GLIS3: variants seen among roughly 807,000 people sequenced by gnomAD.
GLIS3 encodes GLIS family zinc finger 3.
In GLIS3, 53 loss-of-function variants were observed where a neutral mutation model predicts 78.6. That is an observed-to-expected ratio of 0.67 (90% confidence interval 0.54 to 0.85). The LOEUF is 0.85. GLIS3 is among the 40% of genes least tolerant of loss of function. The pLI, the probability that GLIS3 is intolerant of heterozygous loss-of-function variation, is 0.00. For synonymous variants in GLIS3, 684 were observed against 509.9 expected (o/e 1.34, Z -4.60); for missense variants, 1,703 against 1,231.1 (o/e 1.38, Z -5.74).
At chr9:4,363,531 T>C in the GLIS3 span, among the ~76,000 whole-genome samples, 1 of 152,238 alleles carries the variant, frequency 6.6e-6, no homozygotes, top group Admixed American at 6.5e-5. Context: ...TTCAAACATA[T>C]TTAAGATACT....
chr9:4,470,252 T>C, the GLIS3 span, among the ~76,000 whole-genome samples: 6 of 152,216 alleles, frequency 3.9e-5, no homozygotes, highest in African/African-American at 1.2e-4. Context: ...TAACTCATTT[T>C]ATGAGGCCAG....
At chr9:4,073,060 CCT>C (rs1827744979) in intron 4 of GLIS3, among the ~76,000 whole-genome samples, 1 of 152,094 alleles carries the variant, frequency 6.6e-6, no homozygotes, top group African/African-American at 2.4e-5. Context: ...ATTATACACC[CCT>C]TTTTGGTAAA....
chr9:3,876,339 T>C (rs1437719060), intron 8 of GLIS3, among the ~76,000 whole-genome samples: 1 of 151,850 alleles, frequency 6.6e-6, no homozygotes, highest in Admixed American at 6.6e-5. Flanking sequence ...TTAAATGCAC[T>C]GTGAGATCCC....
chr9:4,137,636 A>G (rs1833496268), intron 2 of GLIS3, among the ~76,000 whole-genome samples: 1 of 152,186 alleles, frequency 6.6e-6, no homozygotes, highest in African/African-American at 2.4e-5. Flanking sequence ...TAAGGATGCA[A>G]AGATAAATTA....
At chr9:4,452,956 A>G in the GLIS3 span, among the ~76,000 whole-genome samples, 6 of 152,346 alleles carry the variant, frequency 3.9e-5, no homozygotes, top group South Asian at 2.1e-4. Context: ...TACTGGTACC[A>G]AAACAGAGAG....
At chr9:4,265,688 C>CA (rs1357743041) in intron 2 of GLIS3, among the ~76,000 whole-genome samples, 1 of 152,152 alleles carries the variant, frequency 6.6e-6, no homozygotes. Context: ...TAGACTAATG[C>CA]AGAAGCATGC....
chr9:4,075,627 G>C (rs578244811), intron 4 of GLIS3, among the ~76,000 whole-genome samples: 1 of 152,082 alleles, frequency 6.6e-6, no homozygotes, highest in South Asian at 2.1e-4. Context: ...TCAATATATA[G>C]CCTAGACATA....
At chr9:4,238,472 C>G (rs535306131) in intron 2 of GLIS3, among the ~76,000 whole-genome samples, 7 of 152,294 alleles carry the variant, frequency 4.6e-5, no homozygotes, top group South Asian at 2.1e-4. Flanking sequence ...CTAGACCTAG[C>G]AGTTTACAAT....
At chr9:3,907,511 G>A (rs547022432) in intron 6 of GLIS3, among the ~76,000 whole-genome samples, 40 of 151,932 alleles carry the variant, frequency 2.6e-4, no homozygotes, top group Non-Finnish European at 4.1e-4. Context: ...TGATCCCTTC[G>A]ATTAGCAATG....
At chr9:4,223,580 T>C (rs113549495) in intron 2 of GLIS3, among the ~76,000 whole-genome samples, 79 of 152,280 alleles carry the variant, frequency 5.2e-4, no homozygotes, top group African/African-American at 1.9e-3. Flanking sequence ...GAAAGAAGTG[T>C]TTTAATCGGC....
At chr9:4,272,767 T>G (rs984830855) in intron 2 of GLIS3, among the ~76,000 whole-genome samples, 1 of 152,222 alleles carries the variant, frequency 6.6e-6, no homozygotes, top group African/African-American at 2.4e-5. Context: ...GTTGAATGAC[T>G]TGATCGGAAG....
chr9:4,199,075 G>A (rs1038926614), intron 2 of GLIS3, among the ~76,000 whole-genome samples: 1 of 152,142 alleles, frequency 6.6e-6, no homozygotes, highest in Admixed American at 6.6e-5. Context: ...TCCAAACATG[G>A]AAAGGAAAGA....
At chr9:4,280,234 A>C (rs1310565714) in intron 2 of GLIS3, among the ~76,000 whole-genome samples, 1 of 152,186 alleles carries the variant, frequency 6.6e-6, no homozygotes, top group Non-Finnish European at 1.5e-5. Flanking sequence ...TGTTGCCCAG[A>C]CTGGTCTTGA....
chr9:3,837,863 G>C (rs565034699), intron 9 of GLIS3, among the ~76,000 whole-genome samples: 2 of 152,278 alleles, frequency 1.3e-5, no homozygotes, highest in African/African-American at 4.8e-5. Context: ...AAACTCATAG[G>C]CTGTACAAGA....
intron 9 of GLIS3, among the ~76,000 whole-genome samples, chr9:3,847,524 G>A (rs529780450): frequency 2.0e-4 from 31 of 152,332 alleles, no homozygotes; most frequent in African/African-American, 7.5e-4. Context: ...ATCAAACATA[G>A]CACATTAATA....
chr9:4,350,494 G>A (rs1399501499), upstream of GLIS3, among the ~76,000 whole-genome samples: 1 of 152,136 alleles, frequency 6.6e-6, no homozygotes, highest in Non-Finnish European at 1.5e-5. Flanking sequence ...TGTGCACAGT[G>A]TAAATTTATA....
chr9:4,006,416 T>G (rs1175976663), intron 4 of GLIS3, among the ~76,000 whole-genome samples: 2 of 152,104 alleles, frequency 1.3e-5, no homozygotes, highest in East Asian at 3.9e-4. Flanking sequence ...GAATATAATT[T>G]AGCTGCAGGC....
intron 2 of GLIS3, among the ~76,000 whole-genome samples, chr9:4,180,153 G>C (rs1402311882): frequency 6.6e-6 from 1 of 152,110 alleles, no homozygotes; most frequent in African/African-American, 2.4e-5. Flanking sequence ...TCCTAGGATA[G>C]AGAACAGAAT....
At chr9:4,081,520 C>T (rs1171748003) in intron 4 of GLIS3, among the ~76,000 whole-genome samples, 1 of 152,176 alleles carries the variant, frequency 6.6e-6, no homozygotes, top group African/African-American at 2.4e-5. Flanking sequence ...GGAGAAAACA[C>T]TGTGGACCCC....
Sources: gnomAD v4.1 joint callset for allele counts (sites outside exome capture counted in the v4.1 genomes callset) on GRCh38, gnomAD v4.1.1 for gene constraint, MANE v1.5 for transcripts, NCBI Gene and HGNC (gene_info 2026-07-23, HGNC 2026-07-21) for gene names.